The following INPP4A variants were observed in gnomAD, a reference collection of about 807,000 sequenced individuals.
The protein encoded by INPP4A is inositol polyphosphate-4-phosphatase, type I, 107kD.
Under a neutral mutation model 119.8 loss-of-function variants are expected in INPP4A, and 33 were observed. The ratio of observed to expected loss-of-function variants is 0.28; its 90% CI spans 0.21 to 0.37. The LOEUF is 0.37. INPP4A is among the 10% of genes least tolerant of loss of function. The pLI, the probability that INPP4A is intolerant of heterozygous loss-of-function variation, is 1.00. For missense variants in INPP4A, 956 were observed against 1,289.9 expected (o/e 0.74, Z 3.97); for synonymous variants, 496 against 500.7 (o/e 0.99, Z 0.12).
rs1314754584 is a variant in INPP4A at position 98,507,857 on chromosome 2, G to GC, written c.-165-11105dup. On this transcript the variant is annotated intron_variant, in intron 1 of 24. Coordinates refer to ENST00000409851, the MANE Select transcript of INPP4A (RefSeq NM_001134225.2). The stretch of plus-strand genomic sequence containing the variant: ...ACTCCTGAGACAAATACGCCTTTCT[G>GC]CCTAAGCTCACCCCCCTGCACAGCG... Among the ~76,000 whole-genome samples the GC allele has an allele frequency of 4.6e-5, 7 of 152,270 alleles. No homozygotes were observed. In the East Asian group the frequency reaches 1.3e-3, roughly 29 times the overall value.
chr2:98,556,046 A>G, intron 16 of INPP4A: 2 of 520,550 alleles, frequency 3.8e-6, no homozygotes, highest in East Asian at 3.0e-5. Context: ...TCAGAATCTC[A>G]GGGTCCTCTT....
At chr2:98,541,173 A>C (rs1410037711) in intron 10 of INPP4A, among the ~76,000 whole-genome samples, 1 of 152,104 alleles carries the variant, frequency 6.6e-6, no homozygotes, top group Non-Finnish European at 1.5e-5. Context: ...TAAAAATACA[A>C]AAAATTAGCC....
intron 24 of INPP4A, among the ~76,000 whole-genome samples, chr2:98,578,551 A>G (rs1698793014): frequency 6.6e-6 from 1 of 152,216 alleles, no homozygotes; most frequent in Non-Finnish European, 1.5e-5. Context: ...AGACCTCAGG[A>G]GACCAGTGAC....
In INPP4A at chr2:98,450,728, A is replaced by G. The variant is rs1695072620; in HGVS notation, c.-166+5643A>G. Among the ~76,000 whole-genome samples the G allele has an allele frequency of 2.0e-5, 3 of 152,138 alleles. No homozygotes were observed. The South Asian group carries it at 6.2e-4, about 31-fold the overall frequency. On this transcript the variant is annotated intron_variant, in intron 1 of 24. Transcript: ENST00000409851. Reference sequence around the variant, plus strand: ...GGTGGTTGGCAGAGCTTGGAATTAGATCAGCCTTTCCTCTGTGGATTTAAT... The same window carrying G: ...GGTGGTTGGCAGAGCTTGGAATTAGGTCAGCCTTTCCTCTGTGGATTTAAT...
rs184503585 is a variant in INPP4A at position 98,474,926 on chromosome 2, G to A, written c.-166+29841G>A. ...GGCTCAGCTTTGTTAAAGATGAAGA[G>A]TTAAAGATGACTTAGGCCCTTCTCC... is the stretch of plus-strand genomic sequence containing the variant. On this transcript the variant is annotated intron_variant, in intron 1 of 24. Transcript: ENST00000409851. Among the ~76,000 whole-genome samples, 336 of 152,222 alleles carry A rather than the reference G, an allele frequency of 2.2e-3. 1 individual carries two copies. The highest frequency in any genetic ancestry group is 3.7e-3 in the Non-Finnish European group (252 of 68,018).
chr2:98,589,535 TG>T lies in INPP4A; in HGVS notation c.*1928del, dbSNP rs1158056178. ...TTGATCATCTGTCAGCAGTTTTGCA[TG>T]TGACACCTTTATATGAATTATTTTC... On this transcript the variant is annotated 3_prime_UTR_variant, in exon 25 of 25. Transcript: ENST00000409851. The T allele has an allele frequency of 5.5e-5, 10 of 180,196 alleles. No individual in the cohort carries two copies. In the Admixed American group the frequency reaches 6.3e-4, roughly 11 times the overall value. 11.2% of individuals were successfully genotyped at this position (180,196 alleles called of 1,614,324 possible). A position where few individuals can be genotyped will look rare whatever the true frequency, so the allele number is the denominator to read the frequency against.
At chr2:98,549,835 G>A (rs1045119970) in intron 13 of INPP4A, among the ~76,000 whole-genome samples, 4 of 152,170 alleles carry the variant, frequency 2.6e-5, no homozygotes, top group Admixed American at 6.5e-5. Context: ...AGGGAGGAGG[G>A]CATCTAGGGA....
intron 1 of INPP4A, among the ~76,000 whole-genome samples, chr2:98,464,384 C>T (rs1471010974): frequency 2.6e-5 from 4 of 152,112 alleles, no homozygotes; most frequent in African/African-American, 4.8e-5. Flanking sequence ...ACTTGGGACT[C>T]GCTCCTCAAA....
intron 4 of INPP4A, among the ~76,000 whole-genome samples, chr2:98,527,785 C>T: frequency 6.6e-6 from 1 of 152,190 alleles, no homozygotes; most frequent in Admixed American, 6.5e-5. Context: ...TATCTGACTA[C>T]TAACCTAATG....
intron 22 of INPP4A, among the ~76,000 whole-genome samples, chr2:98,571,319 A>C (rs1458225484): frequency 6.6e-6 from 1 of 152,246 alleles, no homozygotes; most frequent in Non-Finnish European, 1.5e-5. Flanking sequence ...GGCCAAGCCC[A>C]GGCAGCATCT....
At chr2:98,446,099 G>C (rs79442529) in intron 1 of INPP4A, among the ~76,000 whole-genome samples, 1 of 152,314 alleles carries the variant, frequency 6.6e-6, no homozygotes, top group African/African-American at 2.4e-5. Context: ...GGTTGACTTC[G>C]GTGTGAATCA....
intron 7 of INPP4A, among the ~76,000 whole-genome samples, chr2:98,536,669 G>T (rs956578682): frequency 6.6e-5 from 10 of 152,320 alleles, no homozygotes; most frequent in African/African-American, 2.4e-4. Context: ...AAGACATCAG[G>T]ATGTCAGTCC....
rs551879374 is a variant in INPP4A at position 98,588,475 on chromosome 2, T to A, written c.*867T>A. 9.5e-6 allele frequency: 2 copies of A among 210,348 alleles called. No homozygotes were observed. The highest frequency in any genetic ancestry group is 3.7e-4 in the South Asian group (2 of 5,346). 13.0% of individuals were successfully genotyped at this position (210,348 alleles called of 1,614,324 possible). On this transcript the variant is annotated 3_prime_UTR_variant, in exon 25 of 25. Transcript: ENST00000409851. ...GGGGAATTTATGACCATAGAGATAG[T>A]AGAAACCTAAATATTTTCAGAAAAA...
chr2:98,572,390 A>G (rs1438115903), intron 22 of INPP4A, among the ~76,000 whole-genome samples: 1 of 152,204 alleles, frequency 6.6e-6, no homozygotes, highest in Non-Finnish European at 1.5e-5. Context: ...CACTTTCCTG[A>G]TCCCTCCCAA....
chr2:98,539,482 G>T (rs182543016), intron 9 of INPP4A, 46 bp from the exon 10 acceptor site: 1 of 1,581,274 alleles, frequency 6.3e-7, no homozygotes, highest in Non-Finnish European at 8.6e-7. Context: ...AGGCAGGTCT[G>T]CAGCCAGTTC....
intron 1 of INPP4A, among the ~76,000 whole-genome samples, chr2:98,488,505 A>T (rs1680011343): frequency 6.6e-6 from 1 of 152,142 alleles, no homozygotes; most frequent in African/African-American, 2.4e-5. Flanking sequence ...CTGTACCCGA[A>T]ATTGTCTCTG....
intron 1 of INPP4A, among the ~76,000 whole-genome samples, chr2:98,507,813 G>C (rs1421295011): frequency 2.6e-5 from 4 of 152,130 alleles, no homozygotes; most frequent in Non-Finnish European, 4.4e-5. Flanking sequence ...TTCCTGCTGA[G>C]GTGTTTAGCT....
At chr2:98,484,469 G>A (rs1459371572) in intron 1 of INPP4A, among the ~76,000 whole-genome samples, 1 of 152,120 alleles carries the variant, frequency 6.6e-6, no homozygotes, top group African/African-American at 2.4e-5. Context: ...ACTGGGGTGG[G>A]AAGCCATGCA....
chr2:98,487,674 G>C (rs1017164182), intron 1 of INPP4A, among the ~76,000 whole-genome samples: 30 of 152,294 alleles, frequency 2.0e-4, no homozygotes, highest in African/African-American at 6.3e-4. Context: ...TTGCAGTTCT[G>C]GGCATATACA....
Sources: allele counts gnomAD v4.1 joint callset (sites outside exome capture counted in the v4.1 genomes callset), GRCh38; gene constraint gnomAD v4.1.1; transcripts MANE v1.5; gene names NCBI Gene and HGNC (gene_info 2026-07-23, HGNC 2026-07-21).